Variants in LMO1 observed in about 807,000 individuals in gnomAD.
LMO1 encodes rhombotin-1.
In LMO1, 10 loss-of-function variants were observed where a neutral mutation model predicts 18.0. The observed-to-expected ratio is 0.55, with a 90% CI of 0.34 to 0.94. The LOEUF is 0.94. Among genes scored for constraint, LMO1 ranks in the 40% least tolerant of loss-of-function variants. The pLI, the probability that LMO1 is intolerant of heterozygous loss-of-function variation, is 0.02. For missense variants in LMO1, 183 were observed against 205.7 expected (o/e 0.89, Z 0.68); for synonymous variants, 77 against 77.9 (o/e 0.99, Z 0.06).
intron 1 of LMO1, among the ~76,000 whole-genome samples, chr11:8,232,698 G>C (rs1047380896): frequency 7.2e-5 from 11 of 152,158 alleles, no homozygotes; most frequent in African/African-American, 2.7e-4. Context: ...CTTCCCAGTG[G>C]TCCTGAGCCC....
chr11:8,227,951 G>A (rs560061265), intron 2 of LMO1, among the ~76,000 whole-genome samples: 34 of 152,342 alleles, frequency 2.2e-4, no homozygotes, highest in African/African-American at 5.3e-4. Flanking sequence ...CTACAGGTGT[G>A]AGCCACTGTG....
upstream of LMO1, among the ~76,000 whole-genome samples, chr11:8,266,542 C>T (rs996298482): frequency 1.3e-5 from 2 of 152,186 alleles, no homozygotes; most frequent in South Asian, 2.1e-4. Context: ...AAAATGCCCT[C>T]GAAATGCCTC....
At chr11:8,250,368 G>A (rs1846968567) in intron 1 of LMO1, among the ~76,000 whole-genome samples, 1 of 152,064 alleles carries the variant, frequency 6.6e-6, no homozygotes, top group African/African-American at 2.4e-5. Flanking sequence ...TTTCTTCCTG[G>A]ATCTTTTTTT....
In LMO1 at chr11:8,224,736, C is replaced by T. The variant is rs752492582; in HGVS notation, c.366-15G>A. The T allele has an allele frequency of 2.6e-5, 40 of 1,553,354 alleles. No homozygotes were observed. The East Asian group carries it at 6.2e-4, about 24-fold the overall frequency. ...CCACACAAAATCTAGAAAATCCAAG[C>T]GAGAGAGAGAAGCCATGGGAAGGTC... On this transcript the variant is annotated splice_polypyrimidine_tract_variant and intron_variant, in intron 3 of 3. Transcript: ENST00000335790.
At chr11:8,266,876 G>C (rs1431751176), upstream of LMO1, among the ~76,000 whole-genome samples, 1 of 152,244 alleles carries the variant, frequency 6.6e-6, no homozygotes, top group Admixed American at 6.5e-5. Flanking sequence ...GTGATGCTCA[G>C]AGAGGTATTG....
intron 1 of LMO1, among the ~76,000 whole-genome samples, chr11:8,251,375 G>C (rs903174940): frequency 6.6e-6 from 1 of 152,148 alleles, no homozygotes; most frequent in Non-Finnish European, 1.5e-5. Context: ...CTGCTCCCAC[G>C]TGAGGAACTG....
At position 8,263,785 on chromosome 11, in the gene LMO1, C is replaced by T; in HGVS notation, c.-423G>A. 1.9e-6 allele frequency: 2 copies of T among 1,073,462 alleles called. No individual in the cohort carries two copies. Among genetic ancestry groups the T allele is most frequent in the African/African-American group, 1.6e-5 (1 of 61,198 alleles). 66.5% of individuals were successfully genotyped at this position (1,073,462 alleles called of 1,614,324 possible). On this transcript the variant is annotated 5_prime_UTR_variant, in exon 1 of 4. Transcript: ENST00000335790. ...CTTTCAGCCTCATAAAGTGTTTTCC[C>T]CTCGGATTTAATCTGAATCTCAATC... is the stretch of plus-strand genomic sequence containing the variant.
intron 1 of LMO1, among the ~76,000 whole-genome samples, chr11:8,247,638 A>T (rs1390076072): frequency 6.6e-6 from 1 of 152,230 alleles, no homozygotes; most frequent in Non-Finnish European, 1.5e-5. Flanking sequence ...AGAGAGCCCT[A>T]TGGAGGGGAC....
At chr11:8,252,518 C>A (rs565546842) in intron 1 of LMO1, among the ~76,000 whole-genome samples, 1 of 152,348 alleles carries the variant, frequency 6.6e-6, no homozygotes, top group East Asian at 1.9e-4. Flanking sequence ...TGGCTTGCTC[C>A]CAAGGAAGGA....
intron 1 of LMO1, among the ~76,000 whole-genome samples, chr11:8,244,876 G>A (rs1846868289): frequency 2.0e-5 from 3 of 152,118 alleles, no homozygotes; most frequent in Admixed American, 2.0e-4. Context: ...TCACCTTCCT[G>A]GCCAGCCCAA....
intron 1 of LMO1, among the ~76,000 whole-genome samples, chr11:8,239,239 G>GT (rs1222540960): frequency 2.6e-5 from 4 of 152,204 alleles, no homozygotes; most frequent in Non-Finnish European, 4.4e-5. Context: ...TGGTGCTGGG[G>GT]TGGGGGCTGG....
At chr11:8,236,664 C>T (rs1164268809) in intron 1 of LMO1, among the ~76,000 whole-genome samples, 1 of 152,112 alleles carries the variant, frequency 6.6e-6, no homozygotes, top group Non-Finnish European at 1.5e-5. Flanking sequence ...AGGACACATG[C>T]ACAGCAGCAC....
intron 1 of LMO1, among the ~76,000 whole-genome samples, chr11:8,242,437 A>G (rs1014051882): frequency 6.6e-6 from 1 of 151,348 alleles, no homozygotes; most frequent in African/African-American, 2.4e-5. Context: ...AAAAATGACT[A>G]CTCTTCCCTG....
At chr11:8,224,879 C>G (rs1490477570) in intron 3 of LMO1, among the ~76,000 whole-genome samples, 158 bp from the exon 4 acceptor site, 3 of 152,008 alleles carry the variant, frequency 2.0e-5, no homozygotes, top group Admixed American at 6.5e-5. Flanking sequence ...GCCAAAAGTC[C>G]CCACAGCACA....
intron 2 of LMO1, among the ~76,000 whole-genome samples, chr11:8,228,652 CAAAAAAA>C (rs34483450): frequency 7.4e-6 from 1 of 135,814 alleles, no homozygotes; most frequent in Non-Finnish European, 1.6e-5. Flanking sequence ...TCTGCCAGAG[CAAAAAAA>C]AAAAAAAAAA....
upstream of LMO1, chr11:8,268,374 C>A: frequency 1.4e-6 from 2 of 1,442,436 alleles, no homozygotes. Context: ...CCGCAGTCTC[C>A]GCCCCACGTC....
chr11:8,226,289 G>A (rs1300639016), intron 3 of LMO1, among the ~76,000 whole-genome samples: 1 of 152,160 alleles, frequency 6.6e-6, no homozygotes, highest in East Asian at 1.9e-4. Context: ...GAGATCAGGA[G>A]TTCAAGACCA....
intron 2 of LMO1, among the ~76,000 whole-genome samples, chr11:8,229,443 G>GC (rs1952611426): frequency 6.6e-6 from 1 of 152,198 alleles, no homozygotes; most frequent in Non-Finnish European, 1.5e-5. Context: ...AATGCGATGA[G>GC]CCCTCCTTCC....
chr11:8,250,317 C>T lies in LMO1; in HGVS notation c.25+13021G>A, dbSNP rs538067831. Among the ~76,000 whole-genome samples, 8 of 152,222 alleles carry T rather than the reference C, an allele frequency of 5.3e-5. 1 individual carries two copies. The highest frequency in any genetic ancestry group is 2.6e-4 in the Admixed American group (4 of 15,296). On this transcript the variant is annotated intron_variant, in intron 1 of 3. Transcript: ENST00000335790. Reference sequence around the variant, plus strand: ...CTTTACCAGGTGCAGTCTTAGTTGTCGCCAGTTTTACTTTGTGTTAATTAT... The same window carrying T: ...CTTTACCAGGTGCAGTCTTAGTTGTTGCCAGTTTTACTTTGTGTTAATTAT...
Sources: gnomAD v4.1 joint callset for allele counts (sites outside exome capture counted in the v4.1 genomes callset) on GRCh38, gnomAD v4.1.1 for gene constraint, MANE v1.5 for transcripts, NCBI Gene and HGNC (gene_info 2026-07-23, HGNC 2026-07-21) for gene names.